Variants in CLNK observed in about 807,000 individuals in gnomAD.
CLNK encodes cytokine dependent hematopoietic cell linker.
Under a neutral mutation model 68.6 loss-of-function variants are expected in CLNK, and 74 were observed. That is an observed-to-expected ratio of 1.08 (90% CI 0.89 to 1.31). The LOEUF (loss-of-function observed/expected upper bound fraction) is 1.31, where lower values mean the gene tolerates loss of function less well. Among genes scored for constraint, CLNK ranks in the 50% most tolerant of loss-of-function variants. CLNK has a pLI of 0.00. For synonymous variants in CLNK, 198 were observed against 172.2 expected (o/e 1.15, Z -1.17); for missense variants, 553 against 515.3 (o/e 1.07, Z -0.71).
chr4:10,576,239 C>T (rs181508618), intron 4 of CLNK, among the ~76,000 whole-genome samples: 3 of 152,302 alleles, frequency 2.0e-5, no homozygotes, highest in Non-Finnish European at 4.4e-5. Flanking sequence ...CAAACCCTTC[C>T]AGGTCTTCAC....
chr4:10,599,475 C>T (rs552447628), intron 2 of CLNK, among the ~76,000 whole-genome samples: 5 of 152,298 alleles, frequency 3.3e-5, no homozygotes, highest in African/African-American at 1.2e-4. Context: ...TACTATTTCA[C>T]ATATTTCATT....
At chr4:10,572,860 G>A (rs896361331) in intron 4 of CLNK, among the ~76,000 whole-genome samples, 18 of 152,066 alleles carry the variant, frequency 1.2e-4, no homozygotes, top group African/African-American at 4.3e-4. Context: ...ACACAGTCTT[G>A]TTCTGTCACC....
At chr4:10,581,322 T>C (rs1720770606) in intron 4 of CLNK, among the ~76,000 whole-genome samples, 1 of 152,168 alleles carries the variant, frequency 6.6e-6, no homozygotes. Context: ...TATATATATG[T>C]GTATATTCAT....
intron 6 of CLNK, among the ~76,000 whole-genome samples, chr4:10,565,204 C>A (rs1392714936): frequency 1.3e-5 from 2 of 152,158 alleles, no homozygotes; most frequent in Admixed American, 1.3e-4. Flanking sequence ...GGGTATGGAT[C>A]CTGCATTGTT....
Position 10,650,065 on chromosome 4 carries a change from TA to T in CLNK, c.11+17793del, listed in dbSNP as rs1266123083. 2.0e-5 allele frequency among the ~76,000 whole-genome samples: 3 copies of T among 152,048 alleles called. No homozygotes were observed. In the East Asian group the frequency reaches 5.8e-4, roughly 29 times the overall value. On this transcript the variant is annotated intron_variant, in intron 2 of 18. Coordinates refer to ENST00000226951, the MANE Select transcript of CLNK (RefSeq NM_052964.4). ...TAACTAAGGAAAAGGAACTTTCATA[TA>T]AAAAATAAAAATGAGACATAAAAAT...
intron 14 of CLNK, among the ~76,000 whole-genome samples, chr4:10,524,674 A>G (rs1718227481): frequency 6.6e-6 from 1 of 152,180 alleles, no homozygotes; most frequent in African/African-American, 2.4e-5. Flanking sequence ...TTCAGTGGTA[A>G]AGGGCTCGGT....
chr4:10,728,682 G>A, the CLNK span, among the ~76,000 whole-genome samples: 1 of 146,130 alleles, frequency 6.8e-6, no homozygotes, highest in African/African-American at 2.5e-5. Flanking sequence ...CCCACCTCCC[G>A]GGTTCACACT....
In CLNK at chr4:10,488,189, G is replaced by A. The variant is rs903097771; in HGVS notation, c.*2278C>T. On this transcript the variant is annotated 3_prime_UTR_variant, in exon 19 of 19. Transcript: ENST00000226951. ...TTCTTTTTTCTTCTTGGAATTATAT[G>A]TTGTATTTGTGAACAAGAGACGATA... 2.0e-5 allele frequency: 3 copies of A among 151,844 alleles called. No homozygotes were observed. The highest frequency in any genetic ancestry group is 2.9e-5 in the Non-Finnish European group (2 of 67,996). 9.4% of individuals were successfully genotyped at this position (151,844 alleles called of 1,614,324 possible). A position where few individuals can be genotyped will look rare whatever the true frequency, so the allele number is the denominator to read the frequency against.
chr4:10,540,199 G>T (rs116022269), intron 11 of CLNK, among the ~76,000 whole-genome samples: 10,289 of 152,104 alleles, frequency 0.068, 741 homozygotes, highest in African/African-American at 0.17. Context: ...AGGGCTCTTC[G>T]CCATTTGCTT....
intron 8 of CLNK, among the ~76,000 whole-genome samples, chr4:10,544,247 A>G (rs1369857379): frequency 6.6e-6 from 1 of 152,168 alleles, no homozygotes; most frequent in Non-Finnish European, 1.5e-5. Flanking sequence ...CAAGATATCT[A>G]CCCAGTTTTC....
chr4:10,534,789 C>T (rs1034831890), intron 11 of CLNK, among the ~76,000 whole-genome samples: 20 of 152,112 alleles, frequency 1.3e-4, no homozygotes, highest in African/African-American at 4.6e-4. Context: ...AGAAATAATA[C>T]AGACAGTTCC....
chr4:10,605,725 G>A (rs1485343878), intron 2 of CLNK, among the ~76,000 whole-genome samples: 1 of 148,246 alleles, frequency 6.7e-6, no homozygotes, highest in East Asian at 2.0e-4. Context: ...CTACTTGGGA[G>A]GCTGAGGCAG....
intron 8 of CLNK, among the ~76,000 whole-genome samples, chr4:10,555,896 G>C (rs1423121827): frequency 1.3e-5 from 2 of 152,124 alleles, no homozygotes; most frequent in African/African-American, 4.8e-5. Flanking sequence ...TTCTAGATAT[G>C]GTACCTTAGA....
At chr4:10,657,649 A>G (rs1306110547) in intron 2 of CLNK, among the ~76,000 whole-genome samples, 1 of 152,238 alleles carries the variant, frequency 6.6e-6, no homozygotes, top group East Asian at 1.9e-4. Context: ...TTTTTGTTCA[A>G]ACAGACAACA....
chr4:10,638,042 C>T (rs975124709), intron 2 of CLNK, among the ~76,000 whole-genome samples: 16 of 152,168 alleles, frequency 1.1e-4, no homozygotes, highest in Non-Finnish European at 2.1e-4. Flanking sequence ...ACCTATGCTC[C>T]CCCTGCAAGC....
intron 2 of CLNK, among the ~76,000 whole-genome samples, chr4:10,664,199 G>T (rs769615058): frequency 8.0e-5 from 12 of 150,336 alleles, no homozygotes; most frequent in Admixed American, 5.3e-4. Context: ...AAAACTGGAT[G>T]TAGATTACAT....
At chr4:10,692,868 G>A in the CLNK span, among the ~76,000 whole-genome samples, 1 of 152,178 alleles carries the variant, frequency 6.6e-6, no homozygotes, top group African/African-American at 2.4e-5. Flanking sequence ...AAAAGAAAGG[G>A]TTAAACAGAC....
intron 2 of CLNK, among the ~76,000 whole-genome samples, chr4:10,607,050 G>A (rs1213214660): frequency 2.0e-5 from 3 of 152,156 alleles, no homozygotes; most frequent in Admixed American, 1.3e-4. Context: ...AGCCATTTGG[G>A]TCCTATAGTT....
intron 11 of CLNK, among the ~76,000 whole-genome samples, chr4:10,539,448 A>G (rs1416287645): frequency 6.6e-6 from 1 of 152,216 alleles, no homozygotes; most frequent in East Asian, 1.9e-4. Flanking sequence ...CTTTCTCACT[A>G]AATAATGCCT....
Sources: gnomAD v4.1 joint callset for allele counts (sites outside exome capture counted in the v4.1 genomes callset) on GRCh38, gnomAD v4.1.1 for gene constraint, MANE v1.5 for transcripts, NCBI Gene and HGNC (gene_info 2026-07-23, HGNC 2026-07-21) for gene names.